Variants in PDE9A observed in about 807,000 individuals in gnomAD.
The protein encoded by PDE9A is high affinity cGMP-specific 3',5'-cyclic phosphodiesterase 9A.
A neutral mutation model predicts 87.4 loss-of-function variants in PDE9A; 60 were observed. The ratio of observed to expected loss-of-function variants is 0.69; its 90% confidence interval spans 0.56 to 0.85. PDE9A has a LOEUF of 0.85. PDE9A is among the 40% of genes least tolerant of loss of function. The pLI, the probability that PDE9A is intolerant of heterozygous loss-of-function variation, is 0.00. For synonymous variants in PDE9A, 272 were observed against 279.4 expected (o/e 0.97, Z 0.27); for missense variants, 665 against 779.0 (o/e 0.85, Z 1.74).
chr21:42,714,016 A>ATATT (rs2049593238), intron 4 of PDE9A, among the ~76,000 whole-genome samples: 1 of 90,430 alleles, frequency 1.1e-5, no homozygotes. Flanking sequence ...TTTCATTCCA[A>ATATT]TTTTTTTTTT....
At chr21:42,768,142 C>G (rs531240264) in intron 15 of PDE9A, 46 bp from the exon 16 acceptor site, 2 of 1,118,952 alleles carry the variant, frequency 1.8e-6, no homozygotes, top group Non-Finnish European at 2.7e-6. Flanking sequence ...GCAGCAGGCC[C>G]GTGTTCTACC....
intron 2 of PDE9A, 41 bp from the exon 3 acceptor site, chr21:42,687,876 C>T (rs374009448): frequency 7.1e-6 from 11 of 1,550,712 alleles, no homozygotes; most frequent in Non-Finnish European, 9.8e-6. Context: ...CATCCCAGAG[C>T]ACACTATGGG....
intron 1 of PDE9A, among the ~76,000 whole-genome samples, chr21:42,655,526 T>C (rs571523894): frequency 6.6e-5 from 10 of 152,212 alleles, no homozygotes; most frequent in African/African-American, 2.4e-4. Flanking sequence ...AGGTGGGCCC[T>C]GGGGAAGACA....
In PDE9A at chr21:42,759,063, C is replaced by G. The variant is rs757886420; in HGVS notation, c.875C>G (p.Pro292Arg). The G allele has an allele frequency of 1.2e-6, 2 of 1,613,922 alleles. No individual in the cohort carries two copies. The highest frequency in any genetic ancestry group is 1.7e-6 in the Non-Finnish European group (2 of 1,179,784). Reference sequence around the variant, plus strand: ...CTGGTCAGGGACTTCAGCATCAACCCTGTCACCCTCAGGAGGTGGCTGGTG... The same window carrying G: ...CTGGTCAGGGACTTCAGCATCAACCGTGTCACCCTCAGGAGGTGGCTGGTG... ...LGLVRDFSIN[P>R]VTLRRWLFCV... The change falls in exon 11 of 20, where the codon CCT (proline) becomes CGT (arginine). Residue 292 changes from proline (P) to arginine (R), a missense_variant. Pro to Arg is a moderately radical substitution (Grantham distance 103, BLOSUM62 -2). Transcript: ENST00000291539. This position sits in a 1 kb window ranked among gnomAD's most constrained non-coding sequence, Gnocchi z 7.2.
At chr21:42,774,833 G>C (rs1414369749) in intron 19 of PDE9A, among the ~76,000 whole-genome samples, 1 of 135,998 alleles carries the variant, frequency 7.4e-6, no homozygotes, top group Admixed American at 7.9e-5. Flanking sequence ...AGTGAGCCGA[G>C]ATCACGCCAC....
Position 42,738,107 on chromosome 21 carries a change from T to C in PDE9A, c.568+4681T>C, listed in dbSNP as rs535897739. On this transcript the variant is annotated intron_variant, in intron 7 of 19. Transcript: ENST00000291539. ...GCCCTTTACTCCCTTCCTTCCTGGT[T>C]TGTGGCCAGGGCACAGGGCAGCTCT... 1.1e-4 allele frequency among the ~76,000 whole-genome samples: 16 copies of C among 152,336 alleles called. No individual in the cohort carries two copies. The South Asian group carries it at 3.1e-3, about 30-fold the overall frequency.
intron 4 of PDE9A, among the ~76,000 whole-genome samples, chr21:42,710,477 A>G (rs1028484583): frequency 3.3e-5 from 5 of 151,960 alleles, no homozygotes; most frequent in Non-Finnish European, 7.4e-5. Flanking sequence ...GTACCATTCC[A>G]CATTCCCACC....
At position 42,695,294 on chromosome 21, in the gene PDE9A, T is replaced by C. The variant is rs550503868; in HGVS notation, c.219-3674T>C. On this transcript the variant is annotated intron_variant, in intron 3 of 19. Coordinates refer to ENST00000291539, the MANE Select transcript of PDE9A (RefSeq NM_002606.3). This position sits in a 1 kb window ranked among gnomAD's most constrained non-coding sequence, Gnocchi z 4.3. ...TCCTCCTTGGAGGGACTCTGAGCCATCTGGTGTCATTTTCCTTTCCAATCC... is the reference window on the plus strand; with the variant it reads ...TCCTCCTTGGAGGGACTCTGAGCCACCTGGTGTCATTTTCCTTTCCAATCC... Among the ~76,000 whole-genome samples, 1 of 152,346 alleles carries C rather than the reference T, an allele frequency of 6.6e-6. No individual in the cohort carries two copies. Among genetic ancestry groups the C allele is most frequent in the African/African-American group, 2.4e-5 (1 of 41,588 alleles).
At position 42,770,757 on chromosome 21, in the gene PDE9A, C is replaced by G; in HGVS notation, c.1645C>G (p.Arg549Gly). 1.2e-6 allele frequency: 2 copies of G among 1,614,074 alleles called. No individual in the cohort carries two copies. Among genetic ancestry groups the G allele is most frequent in the Non-Finnish European group, 1.7e-6 (2 of 1,179,934 alleles). ...MLQPLWESRD[R>G]YEELKRIDDA... Reference sequence around the variant, plus strand: ...GCAGCCACTTTGGGAATCCCGAGATCGCTACGAGGAGCTGAAGCGGATAGA... The same window carrying G: ...GCAGCCACTTTGGGAATCCCGAGATGGCTACGAGGAGCTGAAGCGGATAGA... Residue 549 changes from arginine to glycine, a missense_variant, in exon 18 of 20, where the codon CGC becomes GGC. By Grantham distance (125) the Arg-to-Gly change is moderately radical. Transcript: ENST00000291539.
intron 4 of PDE9A, among the ~76,000 whole-genome samples, chr21:42,713,307 T>C (rs1688993609): frequency 6.6e-6 from 1 of 152,112 alleles, no homozygotes; most frequent in African/African-American, 2.4e-5. Flanking sequence ...ATAATTTTTG[T>C]ATTTTTAGTA....
intron 7 of PDE9A, among the ~76,000 whole-genome samples, chr21:42,740,708 A>ATAGATAGG: frequency 1.0e-5 from 1 of 98,250 alleles, no homozygotes; most frequent in South Asian, 3.2e-4. Flanking sequence ...TAGGTAGTAG[A>ATAGATAGG]TAGATAGATA....
At chr21:42,663,034 A>G (rs375251274) in intron 1 of PDE9A, among the ~76,000 whole-genome samples, 8,326 of 147,882 alleles carry the variant, frequency 0.056, 651 homozygotes, top group African/African-American at 0.18. Flanking sequence ...TATCACACAC[A>G]TGCACATCAC....
At chr21:42,767,115 G>GA (rs1236374321) in intron 15 of PDE9A, among the ~76,000 whole-genome samples, 2 of 152,100 alleles carry the variant, frequency 1.3e-5, no homozygotes, top group African/African-American at 4.8e-5. Flanking sequence ...CGGAGCCCCA[G>GA]ACGGGGCTTT....
At chr21:42,670,557 CAT>C (rs947652244) in intron 1 of PDE9A, among the ~76,000 whole-genome samples, 44 of 151,962 alleles carry the variant, frequency 2.9e-4, no homozygotes, top group Non-Finnish European at 5.9e-4. Context: ...CTTACCCACA[CAT>C]TCACACATAC....
intron 8 of PDE9A, among the ~76,000 whole-genome samples, chr21:42,750,328 G>A (rs2054282379): frequency 6.6e-6 from 1 of 152,116 alleles, no homozygotes; most frequent in African/African-American, 2.4e-5. Flanking sequence ...TTGTTAAAAG[G>A]TAAAAGCGGC....
Position 42,762,204 on chromosome 21 carries a change from A to G in PDE9A, c.1207A>G (p.Asn403Asp). ...LAEPECNIFS[N>D]IPPDGFKQIR... ...CGAGCCTGAGTGCAACATCTTCTCCAACATCCCACCTGATGGGTTCAAGCA... is the reference window on the plus strand; with the variant it reads ...CGAGCCTGAGTGCAACATCTTCTCCGACATCCCACCTGATGGGTTCAAGCA... Residue 403 changes from asparagine to aspartate, a missense_variant, in exon 14 of 20, where the codon AAC becomes GAC. Physicochemically the swap from Asn to Asp is conservative, Grantham distance 23. Coordinates refer to ENST00000291539, the MANE Select transcript of PDE9A (RefSeq NM_002606.3). The G allele has an allele frequency of 6.2e-7, 1 of 1,614,074 alleles. No homozygotes were observed. The highest frequency in any genetic ancestry group is 8.5e-7 in the Non-Finnish European group (1 of 1,179,972).
chr21:42,773,629 G>A (rs1037163767), intron 19 of PDE9A, among the ~76,000 whole-genome samples: 16 of 148,216 alleles, frequency 1.1e-4, no homozygotes, highest in Admixed American at 2.7e-4. Flanking sequence ...GTGAAACCCC[G>A]TCTCTACTTT....
In PDE9A at chr21:42,759,649, CTG is replaced by C. The variant is rs966218518; in HGVS notation, c.897+572_897+573del. ...TGGGAGTAGGAGTGTGGAGGTGTGT[CTG>C]TGTGTGTCAGTGTGGATGTGTGCAT... On this transcript the variant is annotated intron_variant, in intron 11 of 19. Transcript: ENST00000291539. This position sits in a 1 kb window ranked among gnomAD's most constrained non-coding sequence, Gnocchi z 7.2. 8.9e-5 allele frequency among the ~76,000 whole-genome samples: 13 copies of C among 145,762 alleles called. No homozygotes were observed. The highest frequency in any genetic ancestry group is 4.1e-4 in the East Asian group (2 of 4,858).
At chr21:42,678,643 G>A (rs8130861) in intron 1 of PDE9A, among the ~76,000 whole-genome samples, 30,929 of 152,270 alleles carry the variant, frequency 0.2, 4,399 homozygotes, top group African/African-American at 0.4. Flanking sequence ...ATGTGAATGC[G>A]TGTGTGAATT....
Sources: gnomAD v4.1 joint callset for allele counts (sites outside exome capture counted in the v4.1 genomes callset) on GRCh38, gnomAD v4.1.1 for gene constraint, Gnocchi (gnomAD v3.1) non-coding constraint, MANE v1.5 for transcripts, NCBI Gene and HGNC (gene_info 2026-07-23, HGNC 2026-07-21) for gene names.